HIVEP3: variants seen among roughly 807,000 people sequenced by gnomAD.
The protein encoded by HIVEP3 is transcription factor HIVEP3.
Under a neutral mutation model 152.8 loss-of-function variants are expected in HIVEP3, and 49 were observed. The observed-to-expected ratio is 0.32, with a 90% CI of 0.26 to 0.41. The LOEUF (loss-of-function observed/expected upper bound fraction) is 0.41. HIVEP3 is among the 10% of genes least tolerant of loss of function. HIVEP3 has a pLI of 1.00. For missense variants in HIVEP3, 2,790 were observed against 3,103.3 expected, an observed-to-expected ratio of 0.90 and a Z score of 2.40; for synonymous variants, 1,269 against 1,289.0, an observed-to-expected ratio of 0.98 and a Z score of 0.33.
At chr1:41,774,981 T>G (rs1212108730) in intron 1 of HIVEP3, among the ~76,000 whole-genome samples, 4 of 151,912 alleles carry the variant, frequency 2.6e-5, no homozygotes, top group African/African-American at 9.7e-5. Flanking sequence ...TTTTGTATTT[T>G]TTGTTGAGAT....
chr1:41,689,963 G>A (rs564662602), intron 2 of HIVEP3, among the ~76,000 whole-genome samples: 3 of 152,346 alleles, frequency 2.0e-5, no homozygotes, highest in South Asian at 4.1e-4. Context: ...ACGGTCCTCC[G>A]GGGCCTTGGC....
At chr1:41,929,722 GT>G (rs1491092962) in intron 1 of HIVEP3, among the ~76,000 whole-genome samples, 1 of 37,632 alleles carries the variant, frequency 2.7e-5, no homozygotes, top group African/African-American at 1.5e-4. Flanking sequence ...GTGTATATGT[GT>G]TTTTATATAT....
At chr1:41,776,641 C>T (rs888231574) in intron 1 of HIVEP3, among the ~76,000 whole-genome samples, 3 of 152,204 alleles carry the variant, frequency 2.0e-5, no homozygotes, top group South Asian at 2.1e-4. Context: ...CTTGGTTTTA[C>T]GATATAGTCT....
At chr1:41,916,663 T>C (rs1012208705) in intron 1 of HIVEP3, among the ~76,000 whole-genome samples, 1 of 152,110 alleles carries the variant, frequency 6.6e-6, no homozygotes, top group Non-Finnish European at 1.5e-5. Flanking sequence ...TTAAAGAGCA[T>C]ATGTCAAACA....
At chr1:41,923,920 G>C (rs1644953878), upstream of HIVEP3, among the ~76,000 whole-genome samples, 1 of 152,034 alleles carries the variant, frequency 6.6e-6, no homozygotes, top group African/African-American at 2.4e-5. Flanking sequence ...TCTAATAGTG[G>C]AAAGAAAAGC....
intron 1 of HIVEP3, among the ~76,000 whole-genome samples, chr1:41,713,920 C>T (rs960447724): frequency 6.6e-6 from 1 of 152,210 alleles, no homozygotes; most frequent in African/African-American, 2.4e-5. Flanking sequence ...CCCCCCGAAA[C>T]AATGCTGCTG....
At chr1:41,915,872 G>T (rs1644863008) in intron 1 of HIVEP3, among the ~76,000 whole-genome samples, 1 of 152,166 alleles carries the variant, frequency 6.6e-6, no homozygotes, top group South Asian at 2.1e-4. Context: ...GTGTTTTCCA[G>T]CCCTGCCCGC....
At chr1:41,693,869 G>A (rs777957991) in intron 2 of HIVEP3, among the ~76,000 whole-genome samples, 2 of 152,172 alleles carry the variant, frequency 1.3e-5, no homozygotes, top group Non-Finnish European at 2.9e-5. Context: ...CTCGTTGGTT[G>A]TCTTTAGAAC....
intron 1 of HIVEP3, among the ~76,000 whole-genome samples, chr1:41,810,132 C>T (rs1650865454): frequency 6.6e-6 from 1 of 152,182 alleles, no homozygotes; most frequent in African/African-American, 2.4e-5. Context: ...CTCCATCTCA[C>T]AGATAGTCCC....
intron 1 of HIVEP3, among the ~76,000 whole-genome samples, chr1:42,020,127 G>GT: frequency 6.6e-6 from 1 of 151,892 alleles, no homozygotes; most frequent in South Asian, 2.1e-4. Context: ...TAGTATTTCT[G>GT]TATCTATGTC....
At chr1:41,645,287 C>G (rs922982277) in intron 2 of HIVEP3, among the ~76,000 whole-genome samples, 1 of 152,184 alleles carries the variant, frequency 6.6e-6, no homozygotes, top group Non-Finnish European at 1.5e-5. Context: ...GGAGGGCTGA[C>G]TGCATGTGAT....
At chr1:41,818,208 C>T (rs1187847355) in intron 1 of HIVEP3, among the ~76,000 whole-genome samples, 1 of 152,118 alleles carries the variant, frequency 6.6e-6, no homozygotes, top group Non-Finnish European at 1.5e-5. Context: ...TGGGTAACAG[C>T]GTATGAAGAG....
chr1:41,786,371 AGGGCCTGC>A (rs1649347226), intron 1 of HIVEP3, among the ~76,000 whole-genome samples: 5 of 152,178 alleles, frequency 3.3e-5, no homozygotes, highest in African/African-American at 1.2e-4. Context: ...TCCTCTGCTC[AGGGCCTGC>A]CCCACTTCTC....
Position 41,747,154 on chromosome 1 carries a change from CA to C in HIVEP3, c.-800-46160del, listed in dbSNP as rs562198277. Among the ~76,000 whole-genome samples the C allele has an allele frequency of 3.8e-3, 575 of 152,308 alleles. 12 individuals carry two copies. Among genetic ancestry groups the C allele is most frequent in the Admixed American group, 0.034 (517 of 15,300 alleles). ...CCAAACACCTGCTGCAGGAGAGAGG[CA>C]GGGGAGAGGGTAAGAAGCTAAGTGC... is the stretch of plus-strand genomic sequence containing the variant. On this transcript the variant is annotated intron_variant, in intron 1 of 8. Coordinates refer to ENST00000372583, the MANE Select transcript of HIVEP3 (RefSeq NM_024503.5).
At chr1:41,625,035 C>A (rs780616590) in intron 3 of HIVEP3, among the ~76,000 whole-genome samples, 4 of 151,830 alleles carry the variant, frequency 2.6e-5, no homozygotes, top group African/African-American at 9.7e-5. Flanking sequence ...TGGTGGCATG[C>A]GCCTGTAAGC....
At chr1:41,964,152 C>T (rs943874036) in intron 1 of HIVEP3, among the ~76,000 whole-genome samples, 8 of 152,192 alleles carry the variant, frequency 5.3e-5, no homozygotes, top group African/African-American at 1.9e-4. Context: ...CAGCTGCAGT[C>T]GGCAGCTCCC....
intron 5 of HIVEP3, among the ~76,000 whole-genome samples, chr1:41,555,322 C>CTG (rs1188082055): frequency 6.6e-6 from 1 of 152,236 alleles, no homozygotes; most frequent in Non-Finnish European, 1.5e-5. Flanking sequence ...ATATAATGTC[C>CTG]TGGTGTGCCG....
intron 1 of HIVEP3, among the ~76,000 whole-genome samples, chr1:41,987,837 G>C (rs1039446940): frequency 6.6e-6 from 1 of 152,158 alleles, no homozygotes; most frequent in African/African-American, 2.4e-5. Flanking sequence ...ATGGCGGAAG[G>C]GGAAGCAGGC....
intron 1 of HIVEP3, among the ~76,000 whole-genome samples, chr1:41,837,430 G>A (rs1376790508): frequency 2.0e-5 from 3 of 152,062 alleles, no homozygotes; most frequent in Admixed American, 1.3e-4. Context: ...AGGTTCAAGC[G>A]ATTCTCCTGC....
Sources: gnomAD v4.1 joint callset for allele counts (sites outside exome capture counted in the v4.1 genomes callset) on GRCh38, gnomAD v4.1.1 for gene constraint, MANE v1.5 for transcripts, NCBI Gene and HGNC (gene_info 2026-07-23, HGNC 2026-07-21) for gene names.